Variants in MPPED2 observed in about 807,000 individuals in gnomAD.
The protein encoded by MPPED2 is metallophosphoesterase domain containing 2, also known as metallophosphoesterase MPPED2.
MPPED2 carries 5 observed loss-of-function variants against 33.0 expected under a neutral mutation model. That is an observed-to-expected ratio of 0.15 (90% confidence interval 0.08 to 0.32). The LOEUF (loss-of-function observed/expected upper bound fraction) is 0.32. Ranked by LOEUF, MPPED2 falls within the 10% of genes least tolerant of loss-of-function variation. The pLI is 1.00. For missense variants in MPPED2, 275 were observed against 372.1 expected (o/e 0.74, Z 2.15); for synonymous variants, 136 against 141.9 (o/e 0.96, Z 0.29).
chr11:30,483,384 T>C (rs1255936327), intron 4 of MPPED2, among the ~76,000 whole-genome samples: 1 of 152,198 alleles, frequency 6.6e-6, no homozygotes, highest in Non-Finnish European at 1.5e-5. Flanking sequence ...CTTATTATTA[T>C]TTAAAAATAT....
intron 2 of MPPED2, among the ~76,000 whole-genome samples, chr11:30,559,280 A>G (rs1054543056): frequency 6.6e-6 from 1 of 152,210 alleles, no homozygotes; most frequent in Non-Finnish European, 1.5e-5. Context: ...TCTTCTTTGT[A>G]AACCACAGAG....
chr11:30,463,574 C>T (rs1237351775), intron 4 of MPPED2, among the ~76,000 whole-genome samples: 7 of 152,192 alleles, frequency 4.6e-5, no homozygotes. Context: ...TGCGAAGTGG[C>T]TGGCCATCAT....
At chr11:30,398,529 G>A (rs1309751808) in intron 6 of MPPED2, among the ~76,000 whole-genome samples, 1 of 152,074 alleles carries the variant, frequency 6.6e-6, no homozygotes, top group Non-Finnish European at 1.5e-5. Context: ...CAGATAGAAG[G>A]TCCATGAACA....
chr11:30,441,076 C>T (rs1949550227), intron 4 of MPPED2, among the ~76,000 whole-genome samples: 1 of 152,120 alleles, frequency 6.6e-6, no homozygotes, highest in African/African-American at 2.4e-5. Flanking sequence ...CTCTGGGTTA[C>T]CGAGCAGAAC....
intron 4 of MPPED2, among the ~76,000 whole-genome samples, chr11:30,459,099 G>T (rs926552533): frequency 1.6e-4 from 24 of 151,076 alleles, no homozygotes; most frequent in Admixed American, 1.6e-3. Flanking sequence ...CTAATTTTTT[G>T]TATTTTTAGT....
intron 4 of MPPED2, among the ~76,000 whole-genome samples, chr11:30,444,123 G>C (rs1949700409): frequency 6.6e-6 from 1 of 152,076 alleles, no homozygotes; most frequent in African/African-American, 2.4e-5. Flanking sequence ...CTATTCACTG[G>C]AAAAGCAAAA....
At chr11:30,482,522 C>T (rs1951533734) in intron 4 of MPPED2, among the ~76,000 whole-genome samples, 1 of 152,136 alleles carries the variant, frequency 6.6e-6, no homozygotes, top group African/African-American at 2.4e-5. Flanking sequence ...CTACTTTTTG[C>T]ATGATTTCTA....
chr11:30,396,260 CT>C (rs34155059), intron 6 of MPPED2, among the ~76,000 whole-genome samples: 194 of 152,240 alleles, frequency 1.3e-3, no homozygotes, highest in African/African-American at 4.5e-3. Context: ...CCTCAGAAGC[CT>C]TTTGAATGCC....
chr11:30,512,970 C>T (rs1036025824), intron 3 of MPPED2, among the ~76,000 whole-genome samples: 6 of 151,524 alleles, frequency 4.0e-5, no homozygotes, highest in Non-Finnish European at 7.4e-5. Flanking sequence ...CTGCACTCTA[C>T]TGTGCTCTAG....
chr11:30,384,480 T>TC (rs1744181692), downstream of MPPED2: 1 of 102,484 alleles, frequency 9.8e-6, no homozygotes. Flanking sequence ...TTTTCTTTTT[T>TC]TTTTTTTTTT....
intron 3 of MPPED2, among the ~76,000 whole-genome samples, chr11:30,525,565 T>C (rs1954121130): frequency 6.6e-6 from 1 of 152,014 alleles, no homozygotes; most frequent in South Asian, 2.1e-4. Flanking sequence ...GATGGGGAGA[T>C]TTCAGGAAAG....
chr11:30,406,097 G>T (rs989998834), downstream of MPPED2, among the ~76,000 whole-genome samples: 2 of 152,154 alleles, frequency 1.3e-5, no homozygotes, highest in African/African-American at 4.8e-5. Context: ...GTAGAAGGAG[G>T]AATTGGAAGC....
At chr11:30,577,736 A>G (rs1956990904) in intron 2 of MPPED2, among the ~76,000 whole-genome samples, 2 of 152,212 alleles carry the variant, frequency 1.3e-5, no homozygotes, top group Non-Finnish European at 2.9e-5. Context: ...CTCAAGCAAG[A>G]AAGAGTAAAG....
chr11:30,463,865 T>TATAC (rs1491510280), intron 4 of MPPED2, among the ~76,000 whole-genome samples: 8 of 99,970 alleles, frequency 8.0e-5, no homozygotes, highest in Middle Eastern at 5.9e-3. Context: ...TATATATATA[T>TATAC]ACACACACAC....
intron 4 of MPPED2, among the ~76,000 whole-genome samples, chr11:30,444,996 C>A (rs1248306849): frequency 6.6e-6 from 1 of 151,788 alleles, no homozygotes; most frequent in African/African-American, 2.4e-5. Flanking sequence ...ACATTAATTT[C>A]TTTTCCTCTT....
At chr11:30,562,516 T>C (rs1956279019) in intron 2 of MPPED2, among the ~76,000 whole-genome samples, 1 of 152,124 alleles carries the variant, frequency 6.6e-6, no homozygotes, top group African/African-American at 2.4e-5. Context: ...AACTAGGAAA[T>C]AACATTGTAA....
exon 7 of MPPED2, chr11:30,386,850 A>ATAG (rs553951957): frequency 3.4e-4 from 137 of 398,434 alleles, no homozygotes; most frequent in African/African-American, 2.5e-3. Flanking sequence ...AGCAAAAGCA[A>ATAG]TAGTAGTAGT....
intron 4 of MPPED2, among the ~76,000 whole-genome samples, chr11:30,454,200 G>T (rs955309530): frequency 6.6e-6 from 1 of 152,172 alleles, no homozygotes; most frequent in Non-Finnish European, 1.5e-5. Context: ...TTTACAGTAT[G>T]TCAAAATCCC....
chr11:30,398,896 G>T (rs1474550641), intron 6 of MPPED2, among the ~76,000 whole-genome samples: 3 of 152,092 alleles, frequency 2.0e-5, no homozygotes, highest in Non-Finnish European at 4.4e-5. Context: ...TTTGGTTGAT[G>T]ATAATGGTTA....
Sources: allele counts gnomAD v4.1 joint callset (sites outside exome capture counted in the v4.1 genomes callset), GRCh38; gene constraint gnomAD v4.1.1; transcripts MANE v1.5; gene names NCBI Gene and HGNC (gene_info 2026-07-23, HGNC 2026-07-21).